The following ATAD2B variants were observed in gnomAD, a reference collection of about 807,000 sequenced individuals.
ATAD2B encodes the protein ATPase family AAA domain-containing protein 2B.
A neutral mutation model predicts 167.6 loss-of-function variants in ATAD2B; 40 were observed. That is an observed-to-expected ratio of 0.24 (90% CI 0.19 to 0.31). The LOEUF (loss-of-function observed/expected upper bound fraction) is 0.31, where lower values mean the gene tolerates loss of function less well. Among genes scored for constraint, ATAD2B ranks in the 10% least tolerant of loss-of-function variants. The pLI, the probability that ATAD2B is intolerant of heterozygous loss-of-function variation, is 1.00. For synonymous variants in ATAD2B, 579 were observed against 596.5 expected (o/e 0.97, Z 0.43); for missense variants, 1,242 against 1,757.2 (o/e 0.71, Z 5.24).
intron 14 of ATAD2B, among the ~76,000 whole-genome samples, chr2:23,831,987 GAACT>G (rs955055735): frequency 7.2e-5 from 11 of 151,934 alleles, no homozygotes; most frequent in Admixed American, 6.6e-5. Flanking sequence ...ATTTTCTCTT[GAACT>G]AACACACTCC....
intron 18 of ATAD2B, 48 bp from the exon 19 acceptor site, chr2:23,798,371 T>C: frequency 7.1e-7 from 1 of 1,412,714 alleles, no homozygotes; most frequent in Non-Finnish European, 9.7e-7. Flanking sequence ...TTGATTATTC[T>C]AAAGTCTACC....
chr2:23,899,370 A>C (rs1700524843), intron 1 of ATAD2B, among the ~76,000 whole-genome samples: 1 of 151,890 alleles, frequency 6.6e-6, no homozygotes, highest in African/African-American at 2.4e-5. Flanking sequence ...AAAATAATTG[A>C]AATTCAAATA....
In ATAD2B at chr2:23,828,076, T is replaced by G. The variant is rs529641984; in HGVS notation, c.1819+773A>C. 6.6e-5 allele frequency among the ~76,000 whole-genome samples: 10 copies of G among 151,894 alleles called. No individual in the cohort carries two copies. In the South Asian group the frequency reaches 1.7e-3, roughly 25 times the overall value. On this transcript the variant is annotated intron_variant, in intron 15 of 27. Transcript: ENST00000238789. ...TAAAAAGTTCATGAAGATTGGGTTT[T>G]TTTTTTTTTATTTATATTTTTCAGA...
At chr2:23,832,394 T>C (rs1483752023) in intron 14 of ATAD2B, 1 of 306,234 alleles carries the variant, frequency 3.3e-6, no homozygotes, top group Non-Finnish European at 6.6e-6. Flanking sequence ...GGAAAGTTAA[T>C]GTGGAAAACG....
chr2:23,725,773 TA>T, the ATAD2B span, among the ~76,000 whole-genome samples: 2 of 152,118 alleles, frequency 1.3e-5, no homozygotes, highest in Non-Finnish European at 1.5e-5. Flanking sequence ...AATCCAAACA[TA>T]TAAATAATTA....
rs773166447 is a variant in ATAD2B at position 23,757,444 on chromosome 2, A to G, written c.4052T>C (p.Val1351Ala). ...EKLEPGSDVE[V>A]KDAELDKEGA... ...TTCTTTATCCAGTTCTGCATCTTTA[A>G]CCTCCACATCAGAGCCAGGTTCTAA... The change falls in exon 25 of 28, where the codon GTT becomes GCT. Residue 1351 changes from valine to alanine, a missense_variant. By Grantham distance (64) the Val-to-Ala change is moderately conservative. Around this residue, in one of 9 missense-constraint regions of ATAD2B, gnomAD observed 282 missense variants for 346.8 expected, o/e 0.81. Coordinates refer to ENST00000238789, the MANE Select transcript of ATAD2B (RefSeq NM_017552.4). 1 of 1,508,764 alleles carries G rather than the reference A, an allele frequency of 6.6e-7. No homozygotes were observed. The highest frequency in any genetic ancestry group is 2.4e-5 in the Admixed American group (1 of 42,142). The allele number at this position is 1,508,764 out of a possible 1,614,324, so 93.5% of individuals were successfully genotyped here. A position where few individuals can be genotyped will look rare whatever the true frequency, so the allele number is the denominator to read the frequency against.
chr2:23,842,781 G>A (rs989629761), intron 13 of ATAD2B, among the ~76,000 whole-genome samples: 1 of 152,144 alleles, frequency 6.6e-6, no homozygotes. Context: ...AGACTCAAAG[G>A]ATCTAGCTAA....
In ATAD2B at chr2:23,864,850, T is replaced by G. The variant is rs776068430; in HGVS notation, c.1263A>C (p.Leu421Phe). ...TAAACTTTTCAAAAATTTCTGGATA[T>G]AAAAGTGGGAATACTACCATTTCCT... is the stretch of plus-strand genomic sequence containing the variant. Reference protein sequence around the residue: ...ALKEMVVFPLLYPEIFEKFKI... With the variant: ...ALKEMVVFPLFYPEIFEKFKI... The change falls in exon 11 of 28, where the codon TTA becomes TTC. Residue 421 changes from leucine to phenylalanine, a missense_variant. This residue lies in a region of ATAD2B where 151 missense variants were observed against 284.1 expected (regional missense o/e 0.53). Transcript: ENST00000238789. The G allele has an allele frequency of 1.4e-5, 23 of 1,596,054 alleles. No individual in the cohort carries two copies. The South Asian group carries it at 2.5e-4, about 18-fold the overall frequency.
intron 21 of ATAD2B, among the ~76,000 whole-genome samples, chr2:23,784,489 AT>A (rs1053951551): frequency 2.0e-5 from 3 of 152,098 alleles, no homozygotes; most frequent in African/African-American, 7.2e-5. Flanking sequence ...TCTGACCAAC[AT>A]TTTCTATCCC....
chr2:23,803,023 A>T (rs1394798915), intron 18 of ATAD2B, among the ~76,000 whole-genome samples: 1 of 152,216 alleles, frequency 6.6e-6, no homozygotes, highest in Non-Finnish European at 1.5e-5. Context: ...TAAAAAGATA[A>T]AATATAGCAC....
chr2:23,905,088 A>T (rs1033044235), intron 1 of ATAD2B, among the ~76,000 whole-genome samples: 2 of 152,220 alleles, frequency 1.3e-5, no homozygotes, highest in Admixed American at 1.3e-4. Context: ...TTAGTTTAGG[A>T]GATACAGAAA....
At chr2:23,783,993 T>C (rs1382260980) in intron 21 of ATAD2B, among the ~76,000 whole-genome samples, 2 of 152,054 alleles carry the variant, frequency 1.3e-5, no homozygotes, top group South Asian at 2.1e-4. Flanking sequence ...TTATAAAAAA[T>C]ATTAAGTAGA....
At position 23,885,834 on chromosome 2, in the gene ATAD2B, A is replaced by C. The variant is rs376796616; in HGVS notation, c.573-5T>G. 3.3e-6 allele frequency: 5 copies of C among 1,519,968 alleles called. No homozygotes were observed. Among genetic ancestry groups the C allele is most frequent in the Non-Finnish European group, 4.5e-6 (5 of 1,113,622 alleles). 94.2% of individuals were successfully genotyped at this position (1,519,968 alleles called of 1,614,324 possible). On this transcript the variant is annotated splice_polypyrimidine_tract_variant and splice_region_variant and intron_variant, in intron 4 of 27. Coordinates refer to ENST00000238789, the MANE Select transcript of ATAD2B (RefSeq NM_017552.4). ...TGTAGTACAGCTTCAGCAGTGCTAC[A>C]ATCACATAATAAAATCAGGATTTAG...
At chr2:23,892,308 C>A (rs1240177742) in intron 2 of ATAD2B, among the ~76,000 whole-genome samples, 1 of 152,066 alleles carries the variant, frequency 6.6e-6, no homozygotes, top group African/African-American at 2.4e-5. Context: ...GAACTACAGG[C>A]ACCCGCCACC....
rs1040964583 is a variant in ATAD2B at position 23,847,761 on chromosome 2, C to T, written c.1568+9654G>A. On this transcript the variant is annotated intron_variant, in intron 13 of 27. Coordinates refer to ENST00000238789, the MANE Select transcript of ATAD2B (RefSeq NM_017552.4). ...CAGCACTTTGGGAGACCGATGTGGGCGGATCACAAGGTCAGGAGTTCAAGA... is the reference window on the plus strand; with the variant it reads ...CAGCACTTTGGGAGACCGATGTGGGTGGATCACAAGGTCAGGAGTTCAAGA... Among the ~76,000 whole-genome samples the T allele has an allele frequency of 6.6e-5, 10 of 150,994 alleles. No homozygotes were observed. In the East Asian group the frequency reaches 1.2e-3, roughly 18 times the overall value.
At chr2:23,695,612 G>A in the ATAD2B span, 4 of 1,542,866 alleles carry the variant, frequency 2.6e-6, no homozygotes, top group South Asian at 3.6e-5. The surrounding 1 kb of genome is among the most constrained non-coding windows in gnomAD (Gnocchi z 7.6). Context: ...TCTGTCTCCT[G>A]TACCCTGCAG....
At chr2:23,725,601 G>T in the ATAD2B span, among the ~76,000 whole-genome samples, 2 of 152,062 alleles carry the variant, frequency 1.3e-5, no homozygotes, top group Non-Finnish European at 2.9e-5. Context: ...TATGTATATT[G>T]TAAGCCCCAG....
intron 24 of ATAD2B, among the ~76,000 whole-genome samples, chr2:23,759,194 A>G (rs1422841755): frequency 6.6e-6 from 1 of 152,210 alleles, no homozygotes; most frequent in Non-Finnish European, 1.5e-5. Flanking sequence ...TGAAAGTATC[A>G]GAATAAAAAT....
chr2:23,849,365 T>C (rs1692200726), intron 13 of ATAD2B, among the ~76,000 whole-genome samples: 1 of 152,252 alleles, frequency 6.6e-6, no homozygotes, highest in East Asian at 1.9e-4. Flanking sequence ...TTTCATAATA[T>C]AAGAAAGCAA....
Sources: gnomAD v4.1 joint callset for allele counts (sites outside exome capture counted in the v4.1 genomes callset) on GRCh38, gnomAD v4.1.1 for gene constraint, gnomAD v4.1.1 regional missense constraint, Gnocchi (gnomAD v3.1) non-coding constraint, MANE v1.5 for transcripts, NCBI Gene and HGNC (gene_info 2026-07-23, HGNC 2026-07-21) for gene names.